Variants in WDR72 observed in about 807,000 individuals in gnomAD.
WDR72 encodes WD repeat-containing protein 72.
A neutral mutation model predicts 124.2 loss-of-function variants in WDR72; 120 were observed. The ratio of observed to expected loss-of-function variants is 0.97; its 90% CI spans 0.83 to 1.12. WDR72 has a LOEUF of 1.12. Among genes scored for constraint, WDR72 ranks in the 50% most tolerant of loss-of-function variants. The probability of loss-of-function intolerance (pLI) is 0.00; values close to 1 mark genes in which losing one functional copy is unlikely to be tolerated. For synonymous variants in WDR72, 452 were observed against 441.7 expected, an observed-to-expected ratio of 1.02 and a Z score of -0.29; for missense variants, 1,387 against 1,278.8, an observed-to-expected ratio of 1.08 and a Z score of -1.29.
At chr15:53,702,836 A>T (rs2017225583) in intron 11 of WDR72, among the ~76,000 whole-genome samples, 1 of 152,196 alleles carries the variant, frequency 6.6e-6, no homozygotes, top group Non-Finnish European at 1.5e-5. Context: ...CACTGCTCTA[A>T]AAGAGTGAAT....
At chr15:53,536,790 G>A (rs973890829) in intron 18 of WDR72, among the ~76,000 whole-genome samples, 12 of 152,170 alleles carry the variant, frequency 7.9e-5, no homozygotes, top group Non-Finnish European at 1.6e-4. Context: ...AGCACATTTA[G>A]TACTTATAAG....
rs1649531807 is a variant in WDR72 at position 53,515,503 on chromosome 15, C to T, written c.*2196G>A. ...CACTTGCGTATGGATATTAGGAGAGCATTGCTTGAATATCTCTAAAACTAT... is the reference window on the plus strand; with the variant it reads ...CACTTGCGTATGGATATTAGGAGAGTATTGCTTGAATATCTCTAAAACTAT... On this transcript the variant is annotated 3_prime_UTR_variant, in exon 20 of 20. Coordinates refer to ENST00000360509, the MANE Select transcript of WDR72 (RefSeq NM_182758.4). 1 of 152,144 alleles carries T rather than the reference C, an allele frequency of 6.6e-6. No individual in the cohort carries two copies. The highest frequency in any genetic ancestry group is 2.4e-5 in the African/African-American group (1 of 41,432). 9.4% of individuals were successfully genotyped at this position (152,144 alleles called of 1,614,324 possible). A position where few individuals can be genotyped will look rare whatever the true frequency, so the allele number is the denominator to read the frequency against.
intron 18 of WDR72, among the ~76,000 whole-genome samples, chr15:53,592,355 A>G (rs1475383108): frequency 6.6e-6 from 1 of 152,044 alleles, no homozygotes; most frequent in Non-Finnish European, 1.5e-5. Context: ...GTCAGGGAAG[A>G]GTTTCCCTGT....
At chr15:53,653,538 G>A (rs1390442663) in intron 14 of WDR72, among the ~76,000 whole-genome samples, 2 of 152,154 alleles carry the variant, frequency 1.3e-5, no homozygotes, top group Non-Finnish European at 2.9e-5. Context: ...AATAGTTGGG[G>A]ATTAAATATC....
chr15:53,626,758 T>C (rs1013909306), intron 14 of WDR72, among the ~76,000 whole-genome samples: 26 of 152,192 alleles, frequency 1.7e-4, no homozygotes, highest in African/African-American at 6.3e-4. Flanking sequence ...GGGTGTGAGC[T>C]AAGTTGCAAG....
intron 14 of WDR72, among the ~76,000 whole-genome samples, chr15:53,626,004 T>C (rs920950921): frequency 7.9e-5 from 12 of 152,194 alleles, no homozygotes; most frequent in African/African-American, 2.7e-4. Context: ...TAGCAACATG[T>C]TCTGATAACT....
At chr15:53,573,706 T>C (rs752621142) in intron 18 of WDR72, among the ~76,000 whole-genome samples, 9 of 152,078 alleles carry the variant, frequency 5.9e-5, no homozygotes, top group Non-Finnish European at 1.0e-4. Context: ...CCACCACACC[T>C]AGCTAATTTT....
intron 14 of WDR72, among the ~76,000 whole-genome samples, chr15:53,636,552 C>G (rs996336640): frequency 6.6e-6 from 1 of 152,050 alleles, no homozygotes; most frequent in Non-Finnish European, 1.5e-5. Context: ...ATATTACAAA[C>G]TATATAAGAA....
chr15:53,735,563 A>G (rs539335953), intron 1 of WDR72, among the ~76,000 whole-genome samples: 1 of 152,352 alleles, frequency 6.6e-6, no homozygotes, highest in African/African-American at 2.4e-5. Context: ...ATTTATGTAT[A>G]CACACAAATA....
At chr15:53,691,124 A>T (rs1022721463) in intron 13 of WDR72, among the ~76,000 whole-genome samples, 27 of 152,132 alleles carry the variant, frequency 1.8e-4, no homozygotes, top group South Asian at 2.1e-4. Context: ...ATTACAGCTC[A>T]CTGCAGCCTC....
At chr15:53,633,925 C>T (rs1262367665) in intron 14 of WDR72, among the ~76,000 whole-genome samples, 1 of 152,048 alleles carries the variant, frequency 6.6e-6, no homozygotes, top group African/African-American at 2.4e-5. Context: ...AATATACATT[C>T]TTTATGGCAT....
rs1470331591 is a variant in WDR72 at position 53,597,107 on chromosome 15, C to G, written c.3120G>C (p.Gln1040His). Reference protein sequence around the residue: ...KLEWTEELELQCVRNTLPLQT... With the variant: ...KLEWTEELELHCVRNTLPLQT... ...GCAGAGGCAAAGTGTTTCTAACACA[C>G]TGTAACTCTAGTTCTTCTGTCCATT... The change falls in exon 18 of 20, where the codon CAG becomes CAC. Residue 1040 changes from glutamine (Q) to histidine (H), a missense_variant. Transcript: ENST00000360509. The G allele has an allele frequency of 6.2e-7, 1 of 1,613,834 alleles. No individual in the cohort carries two copies. Among genetic ancestry groups the G allele is most frequent in the East Asian group, 2.2e-5 (1 of 44,844 alleles).
At chr15:53,706,371 T>TAC (rs1567040197) in intron 9 of WDR72, among the ~76,000 whole-genome samples, 670 of 52,606 alleles carry the variant, frequency 0.013, 14 homozygotes, top group African/African-American at 0.046. Flanking sequence ...TATATATATA[T>TAC]ATATATATAT....
chr15:53,676,339 T>C (rs1360339917), intron 13 of WDR72, among the ~76,000 whole-genome samples: 2 of 152,232 alleles, frequency 1.3e-5, no homozygotes, highest in Non-Finnish European at 2.9e-5. Context: ...GTAATTAACG[T>C]TTCTACTCAG....
chr15:53,675,584 C>A (rs184889310), intron 13 of WDR72, among the ~76,000 whole-genome samples: 1 of 152,096 alleles, frequency 6.6e-6, no homozygotes, highest in South Asian at 2.1e-4. Context: ...ATTTATTACA[C>A]CAGGCATGTT....
chr15:53,727,552 G>C (rs1195298545), intron 2 of WDR72, among the ~76,000 whole-genome samples: 1 of 152,148 alleles, frequency 6.6e-6, no homozygotes, highest in East Asian at 1.9e-4. Flanking sequence ...CCTTTTTCCT[G>C]AGAAGTCCAG....
At position 53,699,799 on chromosome 15, in the gene WDR72, TA is replaced by T. The variant is rs747961104; in HGVS notation, c.1715del (p.Leu572Ter). ...CTGAGTCATCTGCACATCCAACAAT[TA>T]AAAAATTCTCAACCGGGTGCCATTT... ...MIKWHPVENFLIVGCADDSVY... is the reference protein window; with the variant it reads ...MIKWHPVENFXIVGCADDSVY... On this transcript the variant is annotated frameshift_variant, in exon 13 of 20. Coordinates refer to ENST00000360509, the MANE Select transcript of WDR72 (RefSeq NM_182758.4). LOFTEE classifies it high-confidence loss of function. The T allele has an allele frequency of 6.2e-7, 1 of 1,614,114 alleles. No individual in the cohort carries two copies. Among genetic ancestry groups the T allele is most frequent in the Non-Finnish European group, 8.5e-7 (1 of 1,180,036 alleles).
chr15:53,619,105 T>C (rs1006839480), intron 14 of WDR72, among the ~76,000 whole-genome samples: 1 of 152,070 alleles, frequency 6.6e-6, no homozygotes, highest in Non-Finnish European at 1.5e-5. Context: ...GTCATTTTTA[T>C]AGACAGCTAT....
At chr15:53,748,620 C>T (rs1015993944) in intron 1 of WDR72, among the ~76,000 whole-genome samples, 1 of 152,118 alleles carries the variant, frequency 6.6e-6, no homozygotes. Context: ...CATATCCCAG[C>T]ACTCTTAGTT....
Sources: gnomAD v4.1 joint callset for allele counts (sites outside exome capture counted in the v4.1 genomes callset) on GRCh38, gnomAD v4.1.1 for gene constraint, MANE v1.5 for transcripts, NCBI Gene and HGNC (gene_info 2026-07-23, HGNC 2026-07-21) for gene names.